The following MGAM variants were observed in gnomAD, a reference collection of about 807,000 sequenced individuals.
The protein encoded by MGAM is alpha-1,4-glucosidase.
A neutral mutation model predicts 358.8 loss-of-function variants in MGAM; 253 were observed. That is an observed-to-expected ratio of 0.71 (90% CI 0.64 to 0.78). The LOEUF (loss-of-function observed/expected upper bound fraction) is 0.78, where lower values mean the gene tolerates loss of function less well. MGAM is among the 30% of genes least tolerant of loss of function. The pLI, the probability that MGAM is intolerant of heterozygous loss-of-function variation, is 0.00. For synonymous variants in MGAM, 1,105 were observed against 1,227.1 expected (o/e 0.90, Z 2.08); for missense variants, 3,080 against 3,432.6 (o/e 0.90, Z 2.57).
In MGAM at chr7:142,069,499, G is replaced by A. The variant is rs932717192; in HGVS notation, c.5061+796G>A. ...GACTTTCTGAGGAGAACATAGTTGA[G>A]GGCTGGAAATACAACAAAGGGGTAC... is the stretch of plus-strand genomic sequence containing the variant. On this transcript the variant is annotated intron_variant, in intron 43 of 70. Transcript: ENST00000475668. 2.1e-5 allele frequency among the ~76,000 whole-genome samples: 3 copies of A among 145,582 alleles called. 1 individual carries two copies. The highest frequency in any genetic ancestry group is 4.7e-5 in the Non-Finnish European group (3 of 64,382).
intron 26 of MGAM, 53 bp downstream of exon 26, chr7:142,053,037 C>G (rs1398725801): frequency 3.2e-6 from 5 of 1,567,712 alleles, no homozygotes; most frequent in Non-Finnish European, 4.4e-6. Context: ...AGTTCCATTA[C>G]CTTTTATTGG....
At chr7:141,999,830 T>C (rs964651026) in intron 1 of MGAM, among the ~76,000 whole-genome samples, 1 of 152,200 alleles carries the variant, frequency 6.6e-6, no homozygotes, top group Non-Finnish European at 1.5e-5. Flanking sequence ...CAATTGCATT[T>C]CTAATTGAGA....
At position 142,064,496 on chromosome 7, in the gene MGAM, G is replaced by C. The variant is rs776034849; in HGVS notation, c.4458G>C (p.Gly1486=). 1.2e-5 allele frequency: 19 copies of C among 1,579,166 alleles called. No individual in the cohort carries two copies. The South Asian group carries it at 2.2e-4, about 18-fold the overall frequency. ...ACTACAACGTGCACAACCTGTATGG[G>C]TGGTCCCAGACCAGACCCACATACG... is the stretch of plus-strand genomic sequence containing the variant. The part of the protein sequence containing the change: ...VQHYNVHNLY[G]WSQTRPTYEA... The change falls in exon 37 of 71, where the codon GGG becomes GGC. Residue 1486 remains glycine (G), a synonymous_variant. Transcript: ENST00000475668.
chr7:142,006,655 A>C (rs1193684160), intron 2 of MGAM, among the ~76,000 whole-genome samples: 59 of 152,222 alleles, frequency 3.9e-4, no homozygotes, highest in Non-Finnish European at 7.4e-5. Flanking sequence ...AATATTTCAG[A>C]ATCTTGATCC....
chr7:142,008,776 TG>T (rs2128985304), intron 3 of MGAM, 71 bp downstream of exon 3: 1 of 1,520,824 alleles, frequency 6.6e-7, no homozygotes, highest in East Asian at 2.3e-5. Context: ...TTTGTTGTTT[TG>T]TTTTGGTTTT....
chr7:142,021,812 G>A (rs1806488808), intron 6 of MGAM, 75 bp downstream of exon 6: 1 of 1,466,960 alleles, frequency 6.8e-7, no homozygotes, highest in African/African-American at 1.4e-5. Context: ...AGAAGGGGGT[G>A]TTTCAACAAT....
At chr7:142,038,978 GCTGGTAT>G (rs1441617095) in intron 19 of MGAM, among the ~76,000 whole-genome samples, 1 of 152,132 alleles carries the variant, frequency 6.6e-6, no homozygotes, top group African/African-American at 2.4e-5. Flanking sequence ...GAAGCATGAT[GCTGGTAT>G]CTGTGCAGCT....
In MGAM at chr7:142,091,619, T is replaced by C. The variant is rs543788347; in HGVS notation, c.6811-294T>C. ...GAAATGGCAGGACTGACATTGAGGG[T>C]TGGGCATCGAATGCATGAGGTCACT... is the stretch of plus-strand genomic sequence containing the variant. On this transcript the variant is annotated intron_variant, in intron 57 of 70. Transcript: ENST00000475668. 3.8e-4 allele frequency among the ~76,000 whole-genome samples: 56 copies of C among 146,176 alleles called. 1 individual carries two copies. Among genetic ancestry groups the C allele is most frequent in the African/African-American group, 1.3e-3 (55 of 41,222 alleles).
chr7:142,098,464 G>A (rs1395163401), intron 66 of MGAM, among the ~76,000 whole-genome samples: 1 of 152,030 alleles, frequency 6.6e-6, no homozygotes, highest in Non-Finnish European at 1.5e-5. Context: ...GTACAAGCAG[G>A]GATACAGGAA....
At chr7:142,060,264 A>G in intron 33 of MGAM, 47 bp from the exon 34 acceptor site, 1 of 1,597,626 alleles carries the variant, frequency 6.3e-7, no homozygotes, top group South Asian at 1.1e-5. Context: ...ATACTATGTA[A>G]GGGAAATTGT....
intron 21 of MGAM, among the ~76,000 whole-genome samples, chr7:142,044,335 A>G (rs1584988974): frequency 7.1e-6 from 1 of 140,392 alleles, no homozygotes; most frequent in South Asian, 2.2e-4. Context: ...TATAATATAT[A>G]ATATATATAT....
rs774443126 is a variant in MGAM at position 142,094,861 on chromosome 7, A to G, written c.7456A>G (p.Arg2486Gly). The G allele has an allele frequency of 6.8e-6, 11 of 1,613,790 alleles. No homozygotes were observed. The highest frequency in any genetic ancestry group is 6.8e-6 in the Non-Finnish European group (8 of 1,179,828). ...FSRNHNTIGT[R>G]RQDPVSWDVA... ...AAGAAACCACAACACCATTGGGACC[A>G]GGGTAGGACAGTGGCCCCTACCTCC... Residue 2486 changes from arginine to glycine, a missense_variant and splice_region_variant, in exon 63 of 71, where the codon AGG becomes GGG. Arg to Gly is a moderately radical substitution (Grantham distance 125). This residue lies in a region of MGAM where 932 missense variants were observed against 1,198.2 expected (regional missense o/e 0.78). Coordinates refer to ENST00000475668, the MANE Select transcript of MGAM (RefSeq NM_001365693.1).
rs1812793457 is a variant in MGAM, at chr7:142,066,718, A to G, written c.4916A>G (p.His1639Arg). The G allele has an allele frequency of 2.6e-6, 4 of 1,554,398 alleles. 1 individual carries two copies. The highest frequency in any genetic ancestry group is 2.2e-5 in the South Asian group (2 of 88,894). ...GTCACTGTTGTGCGGCCTCTGCTCC[A>G]TGAGTGAGTGTCCAGCAGGGATCCC... ...EGVTVVRPLL[H>R]EFVSDQVTWD... Residue 1639 changes from histidine (H) to arginine (R), a missense_variant, in exon 41 of 71, where the codon CAT (histidine) becomes CGT (arginine). His to Arg is a conservative substitution (Grantham distance 29, BLOSUM62 0). Transcript: ENST00000475668.
Position 142,088,790 on chromosome 7 carries a change from T to TA in MGAM, c.6810+2074dup, listed in dbSNP as rs767608981. Reference sequence around the variant, plus strand: ...CTATCTATCTATCTATCTATCTATCTATCTATCTATCATTCTATCCTATCT... The same window carrying TA: ...CTATCTATCTATCTATCTATCTATCTAATCTATCTATCATTCTATCCTATCT... On this transcript the variant is annotated intron_variant, in intron 57 of 70. Transcript: ENST00000475668. Among the ~76,000 whole-genome samples, 8 of 127,410 alleles carry TA rather than the reference T, an allele frequency of 6.3e-5. 1 individual carries two copies. The highest frequency in any genetic ancestry group is 2.5e-4 in the Admixed American group (3 of 12,150). 83.6% of individuals were successfully genotyped at this position (127,410 alleles called of 152,430 possible).
rs1045545389 is a variant in MGAM, at chr7:142,103,282, G to A, written c.8027G>A (p.Ser2676Asn). The change falls in exon 70 of 71, where the codon AGC (serine) becomes AAC (asparagine). Residue 2676 changes from serine (S) to asparagine (N), a missense_variant. Coordinates refer to ENST00000475668, the MANE Select transcript of MGAM (RefSeq NM_001365693.1). Reference protein sequence around the residue: ...SFSASQNTMQSHIIFNNYITG... With the variant: ...SFSASQNTMQNHIIFNNYITG... Reference sequence around the variant, plus strand: ...CCAATTCAACAGAATACGATGCAAAGCCATATAATTTTCAACAATTACATC... The same window carrying A: ...CCAATTCAACAGAATACGATGCAAAACCATATAATTTTCAACAATTACATC... The A allele has an allele frequency of 2.5e-6, 4 of 1,605,614 alleles. No homozygotes were observed. The highest frequency in any genetic ancestry group is 2.7e-5 in the African/African-American group (2 of 74,500).
At chr7:142,055,248 G>T (rs1262289558) in intron 27 of MGAM, among the ~76,000 whole-genome samples, 1 of 152,142 alleles carries the variant, frequency 6.6e-6, no homozygotes, top group Non-Finnish European at 1.5e-5. Flanking sequence ...ATGGACTGAG[G>T]GGTGCAAGGA....
chr7:142,041,893 ATAATAT>A (rs1563144129), intron 21 of MGAM, among the ~76,000 whole-genome samples: 1,958 of 47,340 alleles, frequency 0.041, 223 homozygotes, highest in African/African-American at 0.16. Flanking sequence ...CGTATAATAT[ATAATAT>A]ATATATTATA....
intron 10 of MGAM, among the ~76,000 whole-genome samples, chr7:142,028,757 G>A (rs535173565): frequency 6.6e-6 from 1 of 152,260 alleles, no homozygotes; most frequent in Non-Finnish European, 1.5e-5. Context: ...GATTCAAAAA[G>A]CCTAGGAACA....
chr7:142,023,971 C>T (rs1455023274), intron 7 of MGAM, among the ~76,000 whole-genome samples: 1 of 152,096 alleles, frequency 6.6e-6, no homozygotes, highest in Non-Finnish European at 1.5e-5. Flanking sequence ...CAGTGGCTCA[C>T]GTCTGTAATC....
Sources: allele counts gnomAD v4.1 joint callset (sites outside exome capture counted in the v4.1 genomes callset), GRCh38; gene constraint gnomAD v4.1.1; regional missense constraint gnomAD v4.1.1; transcripts MANE v1.5; gene names NCBI Gene and HGNC (gene_info 2026-07-23, HGNC 2026-07-21).